ADIPOR2: variants seen among roughly 807,000 people sequenced by gnomAD.
The protein encoded by ADIPOR2 is adiponectin receptor protein 2.
A neutral mutation model predicts 40.9 loss-of-function variants in ADIPOR2; 18 were observed. The observed-to-expected ratio is 0.44, with a 90% CI of 0.30 to 0.65. The LOEUF (loss-of-function observed/expected upper bound fraction) is 0.65, where lower values mean the gene tolerates loss of function less well. Among genes scored for constraint, ADIPOR2 ranks in the 30% least tolerant of loss-of-function variants. The pLI is 0.09. For missense variants in ADIPOR2, 283 were observed against 479.2 expected, an observed-to-expected ratio of 0.59 and a Z score of 3.82; for synonymous variants, 165 against 166.4, an observed-to-expected ratio of 0.99 and a Z score of 0.06.
At chr12:1,700,303 T>C (rs2094647685) in intron 1 of ADIPOR2, among the ~76,000 whole-genome samples, 1 of 152,236 alleles carries the variant, frequency 6.6e-6, no homozygotes. Context: ...TTTAATCTTG[T>C]ATGTTTTGAA....
intron 1 of ADIPOR2, among the ~76,000 whole-genome samples, chr12:1,743,705 C>T (rs1445525345): frequency 6.6e-6 from 1 of 152,020 alleles, no homozygotes; most frequent in Middle Eastern, 3.2e-3. Context: ...CTCAAATTTC[C>T]AGGTACTGTT....
intron 1 of ADIPOR2, among the ~76,000 whole-genome samples, chr12:1,725,060 A>G (rs1380568190): frequency 6.6e-6 from 1 of 152,126 alleles, no homozygotes; most frequent in Non-Finnish European, 1.5e-5. Context: ...ATAAAACTGT[A>G]AACAGATTTT....
chr12:1,777,773 A>T, intron 3 of ADIPOR2, 81 bp from the exon 4 acceptor site: 2 of 1,333,274 alleles, frequency 1.5e-6, no homozygotes, highest in Non-Finnish European at 2.1e-6. Flanking sequence ...AAACAGTGTG[A>T]TAAGACACAG....
intron 1 of ADIPOR2, among the ~76,000 whole-genome samples, chr12:1,743,353 C>T (rs2154443008): frequency 7.4e-6 from 1 of 134,414 alleles, no homozygotes; most frequent in African/African-American, 2.7e-5. Context: ...TCTTAAATTA[C>T]ATCAAGTAAC....
chr12:1,745,674 C>T (rs1455496134), intron 1 of ADIPOR2, among the ~76,000 whole-genome samples: 3 of 152,108 alleles, frequency 2.0e-5, no homozygotes, highest in Admixed American at 6.6e-5. Flanking sequence ...ATAAAGTTTT[C>T]GTAAAGCACC....
At chr12:1,734,564 C>G (rs1213041520) in intron 1 of ADIPOR2, among the ~76,000 whole-genome samples, 5 of 152,134 alleles carry the variant, frequency 3.3e-5, no homozygotes, top group African/African-American at 1.2e-4. Context: ...TGTAGGTTGC[C>G]TGTTCACTCT....
At chr12:1,769,802 A>C (rs1347059605) in intron 2 of ADIPOR2, among the ~76,000 whole-genome samples, 1 of 151,980 alleles carries the variant, frequency 6.6e-6, no homozygotes, top group Admixed American at 6.6e-5. Context: ...TTGGCCTCCC[A>C]AAGTGCTGGG....
At chr12:1,763,800 G>A (rs973864494) in intron 2 of ADIPOR2, among the ~76,000 whole-genome samples, 6 of 152,012 alleles carry the variant, frequency 3.9e-5, no homozygotes, top group Admixed American at 6.5e-5. Context: ...ACAACATAGC[G>A]AAACCTTATC....
intron 1 of ADIPOR2, among the ~76,000 whole-genome samples, chr12:1,730,054 T>TA (rs1330083744): frequency 2.6e-5 from 4 of 152,150 alleles, no homozygotes; most frequent in Non-Finnish European, 1.5e-5. Flanking sequence ...TAAGTGACTG[T>TA]ATTACAACAA....
chr12:1,763,259 T>C (rs1482898489), intron 2 of ADIPOR2, among the ~76,000 whole-genome samples: 1 of 152,248 alleles, frequency 6.6e-6, no homozygotes. Context: ...GCACACTTAA[T>C]GATGGAGAGC....
At chr12:1,713,176 G>T (rs2094681001) in intron 1 of ADIPOR2, among the ~76,000 whole-genome samples, 1 of 152,130 alleles carries the variant, frequency 6.6e-6, no homozygotes, top group Non-Finnish European at 1.5e-5. Context: ...GAGAAACTGG[G>T]AGTCAGAGTG....
At chr12:1,719,668 T>C (rs1428208443) in intron 1 of ADIPOR2, among the ~76,000 whole-genome samples, 4 of 152,022 alleles carry the variant, frequency 2.6e-5, no homozygotes, top group African/African-American at 4.8e-5. Context: ...AGAAGTTTTT[T>C]TTTGTTTTCA....
At chr12:1,706,564 A>G (rs979327766) in intron 1 of ADIPOR2, among the ~76,000 whole-genome samples, 2 of 152,186 alleles carry the variant, frequency 1.3e-5, no homozygotes, top group African/African-American at 4.8e-5. Context: ...GCTTATGTAA[A>G]TAAACTTTAC....
chr12:1,708,454 G>C (rs1200272087), intron 1 of ADIPOR2, among the ~76,000 whole-genome samples: 1 of 152,224 alleles, frequency 6.6e-6, no homozygotes, highest in East Asian at 1.9e-4. Context: ...GCTACACCAA[G>C]GTTGTAAAGA....
At chr12:1,755,230 CCACCA>C (rs1000172677) in intron 2 of ADIPOR2, among the ~76,000 whole-genome samples, 1 of 152,040 alleles carries the variant, frequency 6.6e-6, no homozygotes, top group African/African-American at 2.4e-5. Context: ...CAGGCACCTG[CCACCA>C]CGCCTGGCTA....
intron 7 of ADIPOR2, among the ~76,000 whole-genome samples, chr12:1,784,821 C>G (rs374131292): frequency 6.6e-6 from 1 of 152,204 alleles, no homozygotes; most frequent in Non-Finnish European, 1.5e-5. Flanking sequence ...TGGAAATACG[C>G]TTAATGTGAA....
chr12:1,711,282 G>A (rs540229133), intron 1 of ADIPOR2, among the ~76,000 whole-genome samples: 119 of 152,270 alleles, frequency 7.8e-4, no homozygotes, highest in African/African-American at 2.7e-3. Flanking sequence ...GGATAATGAA[G>A]TAGATAAATC....
At chr12:1,773,075 T>C in intron 3 of ADIPOR2, 114 bp downstream of exon 3, 1 of 1,312,314 alleles carries the variant, frequency 7.6e-7, no homozygotes. Flanking sequence ...GGAAGATCTG[T>C]GGCAAGATGG....
At chr12:1,772,721 T>A (rs769561951) in intron 2 of ADIPOR2, 121 bp from the exon 3 acceptor site, 4 of 1,255,506 alleles carry the variant, frequency 3.2e-6, no homozygotes, top group Non-Finnish European at 4.3e-6. Flanking sequence ...TATTGTTGAT[T>A]CTTGTCTAAG....
Sources: gnomAD v4.1 joint callset for allele counts (sites outside exome capture counted in the v4.1 genomes callset) on GRCh38, gnomAD v4.1.1 for gene constraint, MANE v1.5 for transcripts, NCBI Gene and HGNC (gene_info 2026-07-23, HGNC 2026-07-21) for gene names.